MCF2L2: variants seen among roughly 807,000 people sequenced by gnomAD.
MCF2L2 encodes probable guanine nucleotide exchange factor MCF2L2.
Under a neutral mutation model 150.2 loss-of-function variants are expected in MCF2L2, and 102 were observed. That is an observed-to-expected ratio of 0.68 (90% CI 0.58 to 0.80). The LOEUF (loss-of-function observed/expected upper bound fraction) is 0.80, where lower values mean the gene tolerates loss of function less well. Among genes scored for constraint, MCF2L2 ranks in the 30% least tolerant of loss-of-function variants. The pLI is 0.00. For synonymous variants in MCF2L2, 465 were observed against 491.3 expected (o/e 0.95, Z 0.71); for missense variants, 1,256 against 1,372.8 (o/e 0.91, Z 1.34).
Position 183,338,826 on chromosome 3 carries a change from G to C in MCF2L2, c.460C>G (p.Arg154Gly), listed in dbSNP as rs754151003. 6.2e-7 allele frequency: 1 copy of C among 1,602,894 alleles called. No homozygotes were observed. Among genetic ancestry groups the C allele is most frequent in the South Asian group, 1.1e-5 (1 of 89,942 alleles). ...GGCACTTTCGTTTTAAACTCATTTC[G>C]ATAGTATTTAATGCCAATGTCAGTG... is the stretch of plus-strand genomic sequence containing the variant. The part of the protein sequence containing the change: ...TFTDIGIKYY[R>G]NEFKTKVPII... Residue 154 changes from arginine to glycine, a missense_variant, in exon 5 of 30, where the codon CGA becomes GGA. Physicochemically the swap from Arg to Gly is moderately radical, Grantham distance 125. Transcript: ENST00000328913.
chr3:183,356,139 GAGCAGGTCTTTCTAGAAATA>G (rs1711762534), intron 3 of MCF2L2, among the ~76,000 whole-genome samples: 1 of 143,624 alleles, frequency 7.0e-6, no homozygotes, highest in Non-Finnish European at 1.5e-5. Context: ...AGAATACAAA[GAGCAGGTCTTTCTAGAAATA>G]AAATTGACTT....
At chr3:183,385,565 C>CAGAGAAAGGGAGCAAAGAGGG (rs1384247687) in intron 2 of MCF2L2, among the ~76,000 whole-genome samples, 1 of 152,018 alleles carries the variant, frequency 6.6e-6, no homozygotes, top group African/African-American at 2.4e-5. Flanking sequence ...AAGAGACAGG[C>CAGAGAAAGGGAGCAAAGAGGG]AGAGAAAGGG....
intron 10 of MCF2L2, among the ~76,000 whole-genome samples, chr3:183,303,642 C>T (rs1266407268): frequency 3.9e-5 from 6 of 152,154 alleles, no homozygotes; most frequent in African/African-American, 1.2e-4. Flanking sequence ...AAATTCTGAC[C>T]CCATCTCTGC....
intron 22 of MCF2L2, among the ~76,000 whole-genome samples, chr3:183,210,096 C>A (rs573031189): frequency 2.8e-4 from 43 of 152,100 alleles, no homozygotes; most frequent in African/African-American, 1.0e-3. Context: ...TAGAAAATAA[C>A]CGAGGGAATT....
At chr3:183,415,656 A>G (rs902364568) in intron 1 of MCF2L2, among the ~76,000 whole-genome samples, 1 of 152,188 alleles carries the variant, frequency 6.6e-6, no homozygotes. Flanking sequence ...TTTTAAGTCT[A>G]CTGTATCTGA....
chr3:183,345,998 G>A (rs563850822), intron 3 of MCF2L2, among the ~76,000 whole-genome samples: 2 of 152,266 alleles, frequency 1.3e-5, no homozygotes, highest in East Asian at 3.9e-4. Flanking sequence ...GGTACAAAGA[G>A]GAGCTAGTAC....
intron 22 of MCF2L2, among the ~76,000 whole-genome samples, chr3:183,212,848 G>A (rs1294459916): frequency 6.6e-6 from 1 of 151,044 alleles, no homozygotes; most frequent in African/African-American, 2.4e-5. Flanking sequence ...CACTAGGGCT[G>A]TTTATTCGGC....
intron 1 of MCF2L2, among the ~76,000 whole-genome samples, chr3:183,392,408 T>C (rs1396574344): frequency 6.6e-6 from 1 of 152,136 alleles, no homozygotes; most frequent in Non-Finnish European, 1.5e-5. Flanking sequence ...GGCTGACTAG[T>C]GTCATGGGAA....
At chr3:183,371,388 TC>T (rs1009744765) in intron 3 of MCF2L2, among the ~76,000 whole-genome samples, 66 of 151,572 alleles carry the variant, frequency 4.4e-4, no homozygotes, top group African/African-American at 1.6e-3. Flanking sequence ...GCAGGACAAC[TC>T]CACGGGTGAG....
rs879802085 is a variant in MCF2L2, at chr3:183,361,070, C to CAGAAGAGAAGAGAAG, written c.275+18226_275+18227insCTTCTCTTCTCTTCT. On this transcript the variant is annotated intron_variant, in intron 3 of 29. Transcript: ENST00000328913. Reference sequence around the variant, plus strand: ...AAAGGAAAGGAAAGACCAGATAAGACAGAAGAGAAGACAAGACAAGACAAG... The same window carrying CAGAAGAGAAGAGAAG: ...AAAGGAAAGGAAAGACCAGATAAGACAGAAGAGAAGAGAAGAGAAGAGAAGACAAGACAAGACAAG... Among the ~76,000 whole-genome samples the CAGAAGAGAAGAGAAG allele has an allele frequency of 5.0e-3, 546 of 109,030 alleles. 4 individuals are homozygous for CAGAAGAGAAGAGAAG. Among genetic ancestry groups the CAGAAGAGAAGAGAAG allele is most frequent in the Middle Eastern group, 0.012 (3 of 246 alleles). 71.5% of individuals were successfully genotyped at this position (109,030 alleles called of 152,430 possible).
At chr3:183,234,529 T>A (rs566323642) in intron 15 of MCF2L2, among the ~76,000 whole-genome samples, 1 of 152,264 alleles carries the variant, frequency 6.6e-6, no homozygotes, top group African/African-American at 2.4e-5. Flanking sequence ...GGATAGGAAC[T>A]CCACTGAAGA....
At chr3:183,402,552 A>C (rs1425785221) in intron 1 of MCF2L2, among the ~76,000 whole-genome samples, 1 of 151,816 alleles carries the variant, frequency 6.6e-6, no homozygotes, top group African/African-American at 2.4e-5. Context: ...CTGTAATCCT[A>C]GCACATTGAG....
At chr3:183,407,365 A>T (rs1715097259) in intron 1 of MCF2L2, among the ~76,000 whole-genome samples, 1 of 152,202 alleles carries the variant, frequency 6.6e-6, no homozygotes, top group African/African-American at 2.4e-5. Flanking sequence ...TATCTCTTTT[A>T]GCTGATTCTC....
intron 3 of MCF2L2, among the ~76,000 whole-genome samples, chr3:183,366,607 C>T (rs1053830919): frequency 1.3e-5 from 2 of 152,106 alleles, no homozygotes; most frequent in Non-Finnish European, 2.9e-5. Flanking sequence ...GATCGCACCA[C>T]TGCACTCCAG....
At chr3:183,224,419 A>G in intron 18 of MCF2L2, 1 of 459,392 alleles carries the variant, frequency 2.2e-6, no homozygotes, top group Non-Finnish European at 3.9e-6. Context: ...GTGCTCTGGG[A>G]GCATCTACAA....
Position 183,397,566 on chromosome 3 carries a change from A to G in MCF2L2, c.77-7787T>C, listed in dbSNP as rs1431953882. Among the ~76,000 whole-genome samples, 3 of 152,228 alleles carry G rather than the reference A, an allele frequency of 2.0e-5. No individual in the cohort carries two copies. In the East Asian group the frequency reaches 5.8e-4, roughly 29 times the overall value. ...TTGGAGGGCCACATACATTCAAACC[A>G]TGGATAAAGAAATCTAAATTAAAAC... On this transcript the variant is annotated intron_variant, in intron 1 of 29. Coordinates refer to ENST00000328913, the MANE Select transcript of MCF2L2 (RefSeq NM_015078.4).
At chr3:183,274,952 T>A (rs1727073052) in intron 15 of MCF2L2, among the ~76,000 whole-genome samples, 1 of 150,978 alleles carries the variant, frequency 6.6e-6, no homozygotes, top group Non-Finnish European at 1.5e-5. Flanking sequence ...CCTCCTTCAT[T>A]CCCTATAGCT....
chr3:183,217,592 T>C (rs1722993232), intron 21 of MCF2L2, among the ~76,000 whole-genome samples: 1 of 152,172 alleles, frequency 6.6e-6, no homozygotes, highest in East Asian at 1.9e-4. Flanking sequence ...GAGGAGGACA[T>C]TTGTAAACTC....
chr3:183,211,705 C>A (rs1013539246), intron 22 of MCF2L2, among the ~76,000 whole-genome samples: 3 of 152,264 alleles, frequency 2.0e-5, no homozygotes, highest in Non-Finnish European at 2.9e-5. Context: ...CAACCTCTTT[C>A]AGATACGTGT....
Sources: allele counts gnomAD v4.1 joint callset (sites outside exome capture counted in the v4.1 genomes callset), GRCh38; gene constraint gnomAD v4.1.1; transcripts MANE v1.5; gene names NCBI Gene and HGNC (gene_info 2026-07-23, HGNC 2026-07-21).